DPYSL5: variants seen among roughly 807,000 people sequenced by gnomAD.
DPYSL5 encodes the protein dihydropyrimidinase-related protein 5.
In DPYSL5, 9 loss-of-function variants were observed where a neutral mutation model predicts 58.4. That is an observed-to-expected ratio of 0.15 (90% CI 0.09 to 0.27). The LOEUF (loss-of-function observed/expected upper bound fraction) is 0.27, where lower values mean the gene tolerates loss of function less well. Among genes scored for constraint, DPYSL5 ranks in the 10% least tolerant of loss-of-function variants. The pLI is 1.00. For missense variants in DPYSL5, 499 were observed against 770.6 expected (o/e 0.65, Z 4.17); for synonymous variants, 293 against 301.9 (o/e 0.97, Z 0.31).
At chr2:26,911,046 A>T (rs1286017084) in intron 2 of DPYSL5, among the ~76,000 whole-genome samples, 1 of 131,282 alleles carries the variant, frequency 7.6e-6, no homozygotes, top group Non-Finnish European at 1.6e-5. Context: ...TTTTAAGTTA[A>T]TTTTTATACA....
intron 1 of DPYSL5, among the ~76,000 whole-genome samples, chr2:26,856,275 GA>G (rs1036436805): frequency 2.0e-5 from 3 of 152,082 alleles, no homozygotes; most frequent in Admixed American, 1.3e-4. Flanking sequence ...GAAAGAAACA[GA>G]ATTATCAGTA....
chr2:26,903,976 A>C (rs1253515959), intron 2 of DPYSL5, among the ~76,000 whole-genome samples: 1 of 152,230 alleles, frequency 6.6e-6, no homozygotes, highest in African/African-American at 2.4e-5. Flanking sequence ...TCTGTGCCAG[A>C]GGCTATCTCG....
intron 1 of DPYSL5, among the ~76,000 whole-genome samples, chr2:26,855,504 T>C (rs1441980477): frequency 6.6e-6 from 1 of 152,178 alleles, no homozygotes; most frequent in Non-Finnish European, 1.5e-5. Context: ...AAAGGAGAAC[T>C]TCTGCATTCT....
At chr2:26,913,619 G>A (rs1043130404) in intron 2 of DPYSL5, among the ~76,000 whole-genome samples, 1 of 152,142 alleles carries the variant, frequency 6.6e-6, no homozygotes, top group Non-Finnish European at 1.5e-5. Flanking sequence ...GAGTCATTTT[G>A]AGAATCAAGT....
intron 2 of DPYSL5, among the ~76,000 whole-genome samples, chr2:26,919,140 C>G (rs1417911709): frequency 6.6e-6 from 1 of 152,222 alleles, no homozygotes; most frequent in African/African-American, 2.4e-5. Flanking sequence ...TAAATCTTAT[C>G]TGAAGGGCCA....
intron 1 of DPYSL5, among the ~76,000 whole-genome samples, chr2:26,870,360 C>T (rs944339624): frequency 3.3e-5 from 5 of 152,164 alleles, no homozygotes; most frequent in South Asian, 2.1e-4. Context: ...AAGAATGATG[C>T]TGCTAACTTC....
chr2:26,921,994 C>T (rs1305065657), intron 2 of DPYSL5, among the ~76,000 whole-genome samples: 1 of 152,166 alleles, frequency 6.6e-6, no homozygotes, highest in African/African-American at 2.4e-5. Flanking sequence ...CAAAAGGGGC[C>T]TCTTCCCAGG....
intron 2 of DPYSL5, among the ~76,000 whole-genome samples, chr2:26,923,209 C>T (rs1473468275): frequency 6.6e-6 from 1 of 152,162 alleles, no homozygotes; most frequent in Non-Finnish European, 1.5e-5. Flanking sequence ...TTCATGCCTG[C>T]AGTCCCAGCA....
intron 2 of DPYSL5, among the ~76,000 whole-genome samples, chr2:26,917,933 C>T (rs915568631): frequency 2.6e-5 from 4 of 151,944 alleles, no homozygotes; most frequent in Non-Finnish European, 4.4e-5. Flanking sequence ...GTCAGGAGTT[C>T]GAGACCAGCC....
At chr2:26,894,512 A>G (rs1473379534) in intron 1 of DPYSL5, among the ~76,000 whole-genome samples, 3 of 152,210 alleles carry the variant, frequency 2.0e-5, no homozygotes, top group Non-Finnish European at 4.4e-5. Flanking sequence ...GATCTAATCA[A>G]GCAAGCCATG....
intron 2 of DPYSL5, among the ~76,000 whole-genome samples, chr2:26,904,300 G>C (rs1372173034): frequency 6.6e-6 from 1 of 152,224 alleles, no homozygotes; most frequent in Non-Finnish European, 1.5e-5. Context: ...TTGTCCGCTT[G>C]GCAGGTTGCT....
chr2:26,946,019 C>A (rs1297455033), intron 12 of DPYSL5, among the ~76,000 whole-genome samples: 2 of 152,202 alleles, frequency 1.3e-5, no homozygotes, highest in African/African-American at 4.8e-5. Context: ...GATGATGGCT[C>A]CGCTACTCTG....
At chr2:26,865,414 A>T (rs1369875803) in intron 1 of DPYSL5, among the ~76,000 whole-genome samples, 1 of 146,190 alleles carries the variant, frequency 6.8e-6, no homozygotes, top group East Asian at 2.0e-4. Flanking sequence ...TCCGCCTCCC[A>T]GGTTCAAGCA....
At chr2:26,904,875 GC>G (rs1204182757) in intron 2 of DPYSL5, among the ~76,000 whole-genome samples, 35 of 152,212 alleles carry the variant, frequency 2.3e-4, no homozygotes, top group Admixed American at 2.2e-3. Context: ...CTGCACCCCA[GC>G]CTGGGTGACA....
At chr2:26,865,731 A>T (rs1666124359) in intron 1 of DPYSL5, among the ~76,000 whole-genome samples, 1 of 152,234 alleles carries the variant, frequency 6.6e-6, no homozygotes, top group African/African-American at 2.4e-5. Context: ...AGAGAGAGTC[A>T]AAAGGCTGGA....
chr2:26,904,335 C>G (rs554060287), intron 2 of DPYSL5, among the ~76,000 whole-genome samples: 2 of 152,184 alleles, frequency 1.3e-5, no homozygotes, highest in Non-Finnish European at 2.9e-5. Context: ...CTTCAAAATG[C>G]GCTCTCGTGG....
In DPYSL5 at chr2:26,927,759, A is replaced by C. The variant is rs551738265; in HGVS notation, c.600+327A>C. On this transcript the variant is annotated intron_variant, in intron 4 of 12. Transcript: ENST00000288699. The surrounding 1 kb of genome is among the most constrained non-coding windows in gnomAD (Gnocchi z 4.3). ...AGACATATTTTTAATGAGATTTGATATACAGAATAAATAAGAATCCGCTTC... is the reference window on the plus strand; with the variant it reads ...AGACATATTTTTAATGAGATTTGATCTACAGAATAAATAAGAATCCGCTTC... Among the ~76,000 whole-genome samples, 113 of 152,366 alleles carry C rather than the reference A, an allele frequency of 7.4e-4. 1 individual carries two copies. The Middle Eastern group carries it at 0.01, about 14-fold the overall frequency.
intron 1 of DPYSL5, among the ~76,000 whole-genome samples, chr2:26,879,718 G>A (rs910552874): frequency 2.0e-5 from 3 of 152,170 alleles, no homozygotes; most frequent in South Asian, 2.1e-4. Flanking sequence ...CTTGGGTGGT[G>A]GGGTCAGTTG....
chr2:26,939,980 A>C (rs774605456), intron 8 of DPYSL5, 51 bp from the exon 9 acceptor site: 2 of 1,610,054 alleles, frequency 1.2e-6, no homozygotes, highest in Non-Finnish European at 1.7e-6. Context: ...CTCACCCTCT[A>C]AGTTCCTCAC....
Sources: gnomAD v4.1 joint callset for allele counts (sites outside exome capture counted in the v4.1 genomes callset) on GRCh38, gnomAD v4.1.1 for gene constraint, Gnocchi (gnomAD v3.1) non-coding constraint, MANE v1.5 for transcripts, NCBI Gene and HGNC (gene_info 2026-07-23, HGNC 2026-07-21) for gene names.